Variants in GPC5 observed in about 807,000 individuals in gnomAD.
GPC5 encodes glypican-5.
Under a neutral mutation model 53.9 loss-of-function variants are expected in GPC5, and 47 were observed. The observed-to-expected ratio is 0.87, with a 90% CI of 0.69 to 1.11. The LOEUF (loss-of-function observed/expected upper bound fraction) is 1.11. GPC5 is among the 50% of genes most tolerant of loss of function. The probability of loss-of-function intolerance (pLI) is 0.00; values close to 1 mark genes in which losing one functional copy is unlikely to be tolerated. For synonymous variants in GPC5, 286 were observed against 263.3 expected, an observed-to-expected ratio of 1.09 and a Z score of -0.84; for missense variants, 748 against 713.1, an observed-to-expected ratio of 1.05 and a Z score of -0.56.
chr13:92,295,598 C>T (rs1457714220), intron 7 of GPC5, among the ~76,000 whole-genome samples: 3 of 152,118 alleles, frequency 2.0e-5, no homozygotes, highest in African/African-American at 4.8e-5. Context: ...TATTTCATTT[C>T]TTAGATCTAT....
At chr13:92,435,010 G>T (rs769817423) in intron 7 of GPC5, among the ~76,000 whole-genome samples, 8 of 152,174 alleles carry the variant, frequency 5.3e-5, no homozygotes, top group Non-Finnish European at 1.0e-4. Context: ...TGCCTCCCTG[G>T]TTCAAGCGAT....
intron 6 of GPC5, among the ~76,000 whole-genome samples, chr13:92,076,649 A>AT (rs200688603): frequency 2.2e-4 from 33 of 148,622 alleles, no homozygotes; most frequent in South Asian, 6.4e-4. Flanking sequence ...CATCAGATGG[A>AT]TTTTTTTTTT....
chr13:91,673,287 A>C (rs939530290), intron 2 of GPC5, among the ~76,000 whole-genome samples: 2 of 152,212 alleles, frequency 1.3e-5, no homozygotes, highest in African/African-American at 4.8e-5. Context: ...ACATGAAAGA[A>C]AAAATAAGAA....
intron 6 of GPC5, among the ~76,000 whole-genome samples, chr13:91,963,885 A>G (rs1351035469): frequency 1.3e-5 from 2 of 152,208 alleles, no homozygotes; most frequent in Non-Finnish European, 2.9e-5. Context: ...AGATGTGATG[A>G]TAAACAAGTT....
chr13:91,456,962 T>C (rs1361951530), intron 2 of GPC5, among the ~76,000 whole-genome samples: 2 of 151,868 alleles, frequency 1.3e-5, no homozygotes, highest in African/African-American at 2.4e-5. Context: ...AAGAGGCTGG[T>C]GGAAAGACAA....
intron 7 of GPC5, among the ~76,000 whole-genome samples, chr13:92,424,810 CTATTCATTCATT>C (rs1566584693): frequency 1.3e-5 from 1 of 78,600 alleles, no homozygotes; most frequent in Non-Finnish European, 2.3e-5. Flanking sequence ...CAATATTCAT[CTATTCATTCATT>C]CATTCATTCA....
intron 7 of GPC5, among the ~76,000 whole-genome samples, chr13:92,579,252 TCC>T (rs1883288206): frequency 1.3e-4 from 2 of 15,980 alleles, no homozygotes; most frequent in Non-Finnish European, 2.3e-4. Flanking sequence ...TCTCCCTCCC[TCC>T]CTCCCTCCCT....
chr13:92,732,105 G>A (rs1888823708), intron 7 of GPC5, among the ~76,000 whole-genome samples: 1 of 151,312 alleles, frequency 6.6e-6, no homozygotes, highest in South Asian at 2.1e-4. Flanking sequence ...GACAACTACA[G>A]ATTAGAAGAA....
chr13:92,779,392 G>T (rs1875939452), intron 7 of GPC5, among the ~76,000 whole-genome samples: 1 of 151,928 alleles, frequency 6.6e-6, no homozygotes, highest in African/African-American at 2.4e-5. Flanking sequence ...CTGTGAGTTT[G>T]GACTATCCTG....
chr13:92,864,908 T>C (rs530275614), intron 7 of GPC5, among the ~76,000 whole-genome samples: 26 of 152,168 alleles, frequency 1.7e-4, no homozygotes, highest in Admixed American at 3.9e-4. Flanking sequence ...CTTTTCCTTA[T>C]ATGAAGTTTA....
chr13:92,513,026 T>C (rs1172917005), intron 7 of GPC5, among the ~76,000 whole-genome samples: 2 of 152,240 alleles, frequency 1.3e-5, no homozygotes, highest in Admixed American at 1.3e-4. Flanking sequence ...TCCATGCAGA[T>C]GTGATGCTCA....
At chr13:92,554,312 A>T (rs1272218514) in intron 7 of GPC5, among the ~76,000 whole-genome samples, 1 of 151,928 alleles carries the variant, frequency 6.6e-6, no homozygotes, top group Non-Finnish European at 1.5e-5. Context: ...TGAAATTTTT[A>T]AAAATAATGG....
At chr13:92,172,897 G>T (rs73622763) in intron 7 of GPC5, among the ~76,000 whole-genome samples, 3,831 of 151,290 alleles carry the variant, frequency 0.025, 154 homozygotes, top group African/African-American at 0.088. Flanking sequence ...TAAAAAGAAA[G>T]CTCTTATAGT....
intron 7 of GPC5, among the ~76,000 whole-genome samples, chr13:92,752,948 A>T (rs940867873): frequency 1.3e-5 from 2 of 152,198 alleles, no homozygotes; most frequent in Non-Finnish European, 2.9e-5. Context: ...TGCTTAGGCA[A>T]ACAAAGCAGC....
rs1230601309 is a variant in GPC5, at chr13:92,248,935, T to G, written c.1561+103946T>G. On this transcript the variant is annotated intron_variant, in intron 7 of 7. Coordinates refer to ENST00000377067, the MANE Select transcript of GPC5 (RefSeq NM_004466.6). ...CTAAGTGGTCTCCTAGGCAGCAATG[T>G]TTATTCATTACGTGGAGAGCAGATA... Among the ~76,000 whole-genome samples, 5 of 152,148 alleles carry G rather than the reference T, an allele frequency of 3.3e-5. No individual in the cohort carries two copies. The East Asian group carries it at 9.6e-4, about 29-fold the overall frequency.
At position 92,789,228 on chromosome 13, in the gene GPC5, C is replaced by T. The variant is rs1031474993; in HGVS notation, c.1562-77054C>T. On this transcript the variant is annotated intron_variant, in intron 7 of 7. Coordinates refer to ENST00000377067, the MANE Select transcript of GPC5 (RefSeq NM_004466.6). ...GAGGCTGTCAGGCAATTCCACTGTT[C>T]TCATGAGGCCCTTGTTAGGGGGGTC... Among the ~76,000 whole-genome samples the T allele has an allele frequency of 2.0e-4, 30 of 152,100 alleles. 1 individual carries two copies. Among genetic ancestry groups the T allele is most frequent in the Admixed American group, 2.0e-3 (30 of 15,240 alleles).
At chr13:91,642,828 G>A (rs2034464113) in intron 2 of GPC5, among the ~76,000 whole-genome samples, 1 of 151,888 alleles carries the variant, frequency 6.6e-6, no homozygotes, top group Non-Finnish European at 1.5e-5. Flanking sequence ...GATTGCTAGT[G>A]CATGGGTCTT....
chr13:92,580,048 A>G (rs9589584), intron 7 of GPC5, among the ~76,000 whole-genome samples: 5,549 of 152,266 alleles, frequency 0.036, 291 homozygotes, highest in African/African-American at 0.11. Flanking sequence ...CGCTTTCATT[A>G]CTCACTTAGG....
At chr13:92,426,823 G>T (rs1479886548) in intron 7 of GPC5, among the ~76,000 whole-genome samples, 1 of 151,920 alleles carries the variant, frequency 6.6e-6, no homozygotes, top group African/African-American at 2.4e-5. Flanking sequence ...AGAGAGCACA[G>T]GTTATAAACA....
Sources: allele counts gnomAD v4.1 joint callset (sites outside exome capture counted in the v4.1 genomes callset), GRCh38; gene constraint gnomAD v4.1.1; transcripts MANE v1.5; gene names NCBI Gene and HGNC (gene_info 2026-07-23, HGNC 2026-07-21).